PMS2: variants seen among roughly 807,000 people sequenced by gnomAD.
PMS2 encodes the protein mismatch repair endonuclease PMS2.
PMS2 carries 69 observed loss-of-function variants against 90.0 expected under a neutral mutation model. That is an observed-to-expected ratio of 0.77 (90% CI 0.63 to 0.94). PMS2 has a LOEUF of 0.94. PMS2 is among the 40% of genes least tolerant of loss of function. PMS2 has a pLI of 0.00. For missense variants in PMS2, 966 were observed against 1,040.2 expected, an observed-to-expected ratio of 0.93 and a Z score of 0.98; for synonymous variants, 332 against 375.1, an observed-to-expected ratio of 0.89 and a Z score of 1.33.
intron 8 of PMS2, among the ~76,000 whole-genome samples, chr7:5,995,253 T>C (rs1784251679): frequency 6.6e-6 from 1 of 151,986 alleles, no homozygotes; most frequent in African/African-American, 2.4e-5. Context: ...GCCAGGCTGG[T>C]CTCGAACTCC....
At position 6,005,909 on chromosome 7, in the gene PMS2, G is replaced by A. The variant is rs786203255; in HGVS notation, c.146C>T (p.Ala49Val). The A allele has an allele frequency of 1.9e-6, 3 of 1,610,832 alleles. No homozygotes were observed. In the Admixed American group the frequency reaches 5.0e-5, roughly 27 times the overall value. Residue 49 changes from alanine to valine, a missense_variant, in exon 2 of 15, where the codon GCT (alanine) becomes GTT (valine). Coordinates refer to ENST00000265849, the MANE Select transcript of PMS2 (RefSeq NM_000535.7). ...AAACTTACCAATATTAGTGGCACCAGCATCCAGACTGTTTTCTACTAACTC... is the reference window on the plus strand; with the variant it reads ...AAACTTACCAATATTAGTGGCACCAACATCCAGACTGTTTTCTACTAACTC... ...VKELVENSLD[A>V]GATNIDLKLK... is the part of the protein sequence containing the mutation.
intron 10 of PMS2, among the ~76,000 whole-genome samples, chr7:5,988,646 C>G (rs922943584): frequency 2.0e-5 from 3 of 152,140 alleles, no homozygotes; most frequent in African/African-American, 7.2e-5. Context: ...ATTATAGCCC[C>G]AAACTGGAAA....
At chr7:5,984,725 C>T (rs1348539508) in intron 11 of PMS2, among the ~76,000 whole-genome samples, 2 of 151,560 alleles carry the variant, frequency 1.3e-5, no homozygotes, top group East Asian at 3.9e-4. Flanking sequence ...GCAGAGCTTG[C>T]AGTGAGCTGA....
chr7:6,003,805 G>A lies in PMS2; in HGVS notation c.251-13C>T, dbSNP rs1554304821. 2 of 1,530,920 alleles carry A rather than the reference G, an allele frequency of 1.3e-6. No homozygotes were observed. The highest frequency in any genetic ancestry group is 1.8e-6 in the Non-Finnish European group (2 of 1,107,546). 94.8% of individuals were successfully genotyped at this position (1,530,920 alleles called of 1,614,324 possible). ...TGATGTTTCAGAGCTGAAAGAGAGT[G>A]TAAAGTAAGGACTAAGATATCTCAA... On this transcript the variant is annotated splice_polypyrimidine_tract_variant and intron_variant, in intron 3 of 14. Transcript: ENST00000265849.
intron 1 of PMS2, among the ~76,000 whole-genome samples, chr7:6,007,936 T>C (rs1033140042): frequency 3.3e-5 from 5 of 150,286 alleles, no homozygotes; most frequent in African/African-American, 7.4e-5. Context: ...CTCAGCTCAC[T>C]GCAACCTCCG....
At chr7:5,978,272 A>ATTTTTTTTTTTTTT (rs1252477687) in intron 13 of PMS2, among the ~76,000 whole-genome samples, 1 of 142,010 alleles carries the variant, frequency 7.0e-6, no homozygotes, top group African/African-American at 2.6e-5. Context: ...TATAGTTCTG[A>ATTTTTTTTTTTTTT]TTTTTTTTTT....
intron 8 of PMS2, among the ~76,000 whole-genome samples, chr7:5,993,894 A>G (rs1388211374): frequency 6.7e-6 from 1 of 150,032 alleles, no homozygotes; most frequent in African/African-American, 2.4e-5. Flanking sequence ...AAAAGGAAAT[A>G]TAGAAACCAT....
rs2128774105 is a variant in PMS2, at chr7:5,995,519, A to G, written c.903+15T>C. The stretch of plus-strand genomic sequence containing the variant: ...AGGCATAAAGAACAAACTAACACAA[A>G]AAAATTTTAAATACCTTTGCTGGGT... On this transcript the variant is annotated intron_variant, in intron 8 of 14. Transcript: ENST00000265849. The G allele has an allele frequency of 6.3e-7, 1 of 1,588,916 alleles. No individual in the cohort carries two copies. The highest frequency in any genetic ancestry group is 8.6e-7 in the Non-Finnish European group (1 of 1,157,104).
At chr7:5,998,536 T>C (rs1392021519) in intron 6 of PMS2, among the ~76,000 whole-genome samples, 1 of 146,722 alleles carries the variant, frequency 6.8e-6, no homozygotes, top group African/African-American at 2.5e-5. Flanking sequence ...CTACTAAAAA[T>C]ACAAAAAATT....
Position 5,995,551 on chromosome 7 carries a change from G to A in PMS2, c.886C>T (p.Pro296Ser), listed in dbSNP as rs375553553. The change falls in exon 8 of 15, where the codon CCT becomes TCT. Residue 296 changes from proline (P) to serine (S), a missense_variant. Transcript: ENST00000265849. ...TTAAATACCTTTGCTGGGTCACAAG[G>A]CCGCCGGTTGATAAAGAAAAACTGT... ...DRQFFFINRRPCDPAKVCRLV... is the reference protein window; with the variant it reads ...DRQFFFINRRSCDPAKVCRLV... The A allele has an allele frequency of 6.2e-6, 10 of 1,613,394 alleles. No individual in the cohort carries two copies. The Admixed American group carries it at 1.3e-4, about 22-fold the overall frequency.
intron 10 of PMS2, among the ~76,000 whole-genome samples, chr7:5,988,070 A>C (rs1028876166): frequency 3.3e-5 from 5 of 150,724 alleles, no homozygotes; most frequent in Non-Finnish European, 1.5e-5. Flanking sequence ...AAAAAAAAAA[A>C]AAAAAAAACC....
intron 12 of PMS2, among the ~76,000 whole-genome samples, chr7:5,981,838 C>T (rs2345064): frequency 7.5e-4 from 113 of 151,330 alleles, no homozygotes; most frequent in Admixed American, 1.4e-3. Flanking sequence ...AGTAACAACC[C>T]CATAGGTTTT....
chr7:5,981,994 A>G (rs1423356203), intron 12 of PMS2, among the ~76,000 whole-genome samples: 2 of 152,022 alleles, frequency 1.3e-5, no homozygotes, highest in Non-Finnish European at 2.9e-5. Context: ...ATATATACAT[A>G]TAGACACACA....
At chr7:5,986,355 C>T (rs1782859582) in intron 11 of PMS2, among the ~76,000 whole-genome samples, 1 of 151,374 alleles carries the variant, frequency 6.6e-6, no homozygotes, top group South Asian at 2.1e-4. Flanking sequence ...ACTGGGATTA[C>T]AGGTGTGAGC....
At position 5,995,595 on chromosome 7, in the gene PMS2, C is replaced by T. The variant is rs2128775853; in HGVS notation, c.842G>A (p.Gly281Glu). 2 of 1,613,904 alleles carry T rather than the reference C, an allele frequency of 1.2e-6. No homozygotes were observed. Among genetic ancestry groups the T allele is most frequent in the Admixed American group, 1.7e-5 (1 of 59,982 alleles). Residue 281 changes from glycine to glutamate, a missense_variant, in exon 8 of 15, where the codon GGA becomes GAA. Coordinates refer to ENST00000265849, the MANE Select transcript of PMS2 (RefSeq NM_000535.7). Reference sequence around the variant, plus strand: ...AAACTGTCTGTCTGTTGAACTCCTTCCAACTCCATGCGTGCATTGTGAAAT... The same window carrying T: ...AAACTGTCTGTCTGTTGAACTCCTTTCAACTCCATGCGTGCATTGTGAAAT... ...GFISQCTHGV[G>E]RSSTDRQFFF... is the part of the protein sequence containing the mutation.
At chr7:5,998,544 A>G (rs1456333696) in intron 6 of PMS2, among the ~76,000 whole-genome samples, 2 of 150,498 alleles carry the variant, frequency 1.3e-5, no homozygotes, top group African/African-American at 4.9e-5. Context: ...AATACAAAAA[A>G]TTAGCTGGGC....
At chr7:6,006,160 C>A in intron 1 of PMS2, 129 bp from the exon 2 acceptor site, 1 of 1,043,194 alleles carries the variant, frequency 9.6e-7, no homozygotes, top group Non-Finnish European at 1.5e-6. Context: ...ATTATATTAG[C>A]AAATACATTT....
In PMS2 at chr7:5,987,461, T is replaced by G. The variant is rs1554297915; in HGVS notation, c.1304A>C (p.His435Pro). The part of the protein sequence containing the change: ...SLRHTTENKP[H>P]SPKTPEPRRS... ...TCTTGGTTCTGGAGTCTTTGGGCTG[T>G]GAGGCTTGTTCTCTGTTGTGTGACG... Residue 435 changes from histidine to proline, a missense_variant, in exon 11 of 15, where the codon CAC becomes CCC. By Grantham distance (77) the His-to-Pro change is moderately conservative (BLOSUM62 -2). Transcript: ENST00000265849. 1 of 1,614,146 alleles carries G rather than the reference T, an allele frequency of 6.2e-7. No individual in the cohort carries two copies. The highest frequency in any genetic ancestry group is 8.5e-7 in the Non-Finnish European group (1 of 1,179,988).
At position 5,998,219 on chromosome 7, in the gene PMS2, T is replaced by A. The variant is rs1784651370; in HGVS notation, c.706-796A>T. 3.3e-5 allele frequency among the ~76,000 whole-genome samples: 5 copies of A among 151,284 alleles called. No individual in the cohort carries two copies. In the South Asian group the frequency reaches 1.0e-3, roughly 32 times the overall value. On this transcript the variant is annotated intron_variant, in intron 6 of 14. Transcript: ENST00000265849. The stretch of plus-strand genomic sequence containing the variant: ...GCCTCAGCCTCCTGAGTAGCTGGGA[T>A]TACAGGTGCCTGCCACCACGAACAG...
Sources: allele counts gnomAD v4.1 joint callset (sites outside exome capture counted in the v4.1 genomes callset), GRCh38; gene constraint gnomAD v4.1.1; transcripts MANE v1.5; gene names NCBI Gene and HGNC (gene_info 2026-07-23, HGNC 2026-07-21).